Variants in CCDC14 observed in about 807,000 individuals in gnomAD.
The protein encoded by CCDC14 is coiled-coil domain-containing protein 14.
In CCDC14, 71 loss-of-function variants were observed where a neutral mutation model predicts 81.4. That is an observed-to-expected ratio of 0.87 (90% confidence interval 0.72 to 1.06). The LOEUF (loss-of-function observed/expected upper bound fraction) is 1.06, where lower values mean the gene tolerates loss of function less well. Among genes scored for constraint, CCDC14 ranks in the 50% least tolerant of loss-of-function variants. The pLI, the probability that CCDC14 is intolerant of heterozygous loss-of-function variation, is 0.00. For synonymous variants in CCDC14, 332 were observed against 364.8 expected (o/e 0.91, Z 1.03); for missense variants, 1,046 against 1,047.3 (o/e 1.00, Z 0.02).
At chr3:123,905,422 AGTTGCCTTACGGC>A (rs1284990776) in intron 5 of CCDC14, among the ~76,000 whole-genome samples, 20 of 152,288 alleles carry the variant, frequency 1.3e-4, no homozygotes, top group African/African-American at 4.8e-4. Flanking sequence ...TGAGTATTTG[AGTTGCCTTACGGC>A]AGGGCTTGAA....
chr3:123,955,021 C>T (rs2037237994), intron 5 of CCDC14: 1 of 152,114 alleles, frequency 6.6e-6, no homozygotes, highest in Non-Finnish European at 1.5e-5. Flanking sequence ...ACATCAACCT[C>T]TAGTCCCATG....
intron 10 of CCDC14, 114 bp downstream of exon 10, chr3:123,933,559 T>C (rs1280056508): frequency 2.9e-6 from 2 of 697,632 alleles, no homozygotes; most frequent in East Asian, 5.5e-5. Context: ...TATTTTCTTA[T>C]GTTTCTACAA....
chr3:123,924,978 CATCT>C (rs1458593663), intron 12 of CCDC14, among the ~76,000 whole-genome samples: 1 of 149,928 alleles, frequency 6.7e-6, no homozygotes, highest in African/African-American at 2.4e-5. Flanking sequence ...CACACACACA[CATCT>C]ATCTATACAC....
chr3:123,944,208 T>G (rs1165170332), intron 9 of CCDC14, among the ~76,000 whole-genome samples: 1 of 152,096 alleles, frequency 6.6e-6, no homozygotes, highest in Non-Finnish European at 1.5e-5. Flanking sequence ...GTCATATAAG[T>G]GTTCTGTGTC....
intron 12 of CCDC14, among the ~76,000 whole-genome samples, chr3:123,920,719 C>A (rs2034996723): frequency 6.6e-6 from 1 of 152,134 alleles, no homozygotes. Flanking sequence ...AGTAAAAGAT[C>A]ACTAATTAAT....
chr3:123,937,672 A>G (rs908930242), intron 9 of CCDC14, among the ~76,000 whole-genome samples: 3 of 151,972 alleles, frequency 2.0e-5, no homozygotes, highest in Non-Finnish European at 4.4e-5. Flanking sequence ...ATTTTGATGA[A>G]GTCCACTTTA....
chr3:123,927,909 T>C (rs928474736), intron 12 of CCDC14, among the ~76,000 whole-genome samples: 1 of 152,118 alleles, frequency 6.6e-6, no homozygotes, highest in East Asian at 1.9e-4. Context: ...CCTACACAGG[T>C]AGAAGAATCC....
chr3:123,956,489 T>C lies in CCDC14; in HGVS notation c.87-62A>G, dbSNP rs565448000. The C allele has an allele frequency of 3.4e-6, 4 of 1,165,186 alleles. No homozygotes were observed. The East Asian group carries it at 7.8e-5, about 23-fold the overall frequency. 72.2% of individuals were successfully genotyped at this position (1,165,186 alleles called of 1,614,324 possible). A position where few individuals can be genotyped will look rare whatever the true frequency, so the allele number is the denominator to read the frequency against. ...TTTCCCAAAATATATTAGTAAGTAGTCATTTTCTTTCCAGCAAAGACAAGA... is the reference window on the plus strand; with the variant it reads ...TTTCCCAAAATATATTAGTAAGTAGCCATTTTCTTTCCAGCAAAGACAAGA... On this transcript the variant is annotated intron_variant, in intron 2 of 12. Transcript: ENST00000409697.
At position 123,931,359 on chromosome 3, in the gene CCDC14, T is replaced by C. The variant is rs557264682; in HGVS notation, c.1594A>G (p.Ile532Val). ...TCATATTGCTGTTTATTTTCAAGTATAGTTTGATCTTTGTCTTTAAATATA... is the reference window on the plus strand; with the variant it reads ...TCATATTGCTGTTTATTTTCAAGTACAGTTTGATCTTTGTCTTTAAATATA... ...SSIFKDKDQTILENKQQYDIE... is the reference protein window; with the variant it reads ...SSIFKDKDQTVLENKQQYDIE... The change falls in exon 11 of 13, where the codon ATA (isoleucine) becomes GTA (valine). Residue 532 changes from isoleucine (I) to valine (V), a missense_variant. Ile to Val is a conservative substitution (Grantham distance 29). Transcript: ENST00000409697. 8 of 1,523,132 alleles carry C rather than the reference T, an allele frequency of 5.3e-6. No homozygotes were observed. The African/African-American group carries it at 5.5e-5, about 10-fold the overall frequency. The allele number at this position is 1,523,132 out of a possible 1,614,324, so 94.4% of individuals were successfully genotyped here.
chr3:123,941,000 TC>T (rs1185001871), intron 9 of CCDC14, among the ~76,000 whole-genome samples: 1 of 152,096 alleles, frequency 6.6e-6, no homozygotes, highest in Non-Finnish European at 1.5e-5. Flanking sequence ...CTGAACATCA[TC>T]CTTGACTCCT....
chr3:123,900,426 T>C (rs2034156428), intron 5 of CCDC14, among the ~76,000 whole-genome samples: 1 of 152,178 alleles, frequency 6.6e-6, no homozygotes, highest in African/African-American at 2.4e-5. Flanking sequence ...GAGTAGGTCT[T>C]CCAGGACTCC....
At chr3:123,957,051 C>T (rs1577343106) in intron 1 of CCDC14, 1 of 256,368 alleles carries the variant, frequency 3.9e-6, no homozygotes, top group Non-Finnish European at 7.4e-6. Flanking sequence ...TTGTGACTGG[C>T]TTATTTCACT....
At position 123,948,904 on chromosome 3, in the gene CCDC14, G is replaced by A; in HGVS notation, c.581C>T (p.Ser194Phe). The A allele has an allele frequency of 6.2e-7, 1 of 1,612,742 alleles. No homozygotes were observed. Among genetic ancestry groups the A allele is most frequent in the Non-Finnish European group, 8.5e-7 (1 of 1,178,860 alleles). Reference sequence around the variant, plus strand: ...ACAGCATTCGTACTCACCAGAATGAGAGGGAGCATGGCATGGTACAGCAGG... The same window carrying A: ...ACAGCATTCGTACTCACCAGAATGAAAGGGAGCATGGCATGGTACAGCAGG... ...GIPAVPCHAP[S>F]HSESQATPHS... The change falls in exon 6 of 13, where the codon TCT becomes TTT. Residue 194 changes from serine (S) to phenylalanine (F), a missense_variant. By Grantham distance (155) the Ser-to-Phe change is radical (BLOSUM62 -2). Transcript: ENST00000409697.
At chr3:123,891,267 C>T in the CCDC14 span, among the ~76,000 whole-genome samples, 56 of 152,344 alleles carry the variant, frequency 3.7e-4, no homozygotes, top group East Asian at 5.0e-3. Context: ...TCCCCATTGT[C>T]ATGGGGATTA....
chr3:123,918,112 A>C (rs2034817056), intron 12 of CCDC14, among the ~76,000 whole-genome samples: 1 of 152,198 alleles, frequency 6.6e-6, no homozygotes, highest in Non-Finnish European at 1.5e-5. Context: ...TCTAAAAAGT[A>C]GTCACACACA....
the CCDC14 span, among the ~76,000 whole-genome samples, chr3:123,889,645 A>T: frequency 6.6e-6 from 1 of 152,174 alleles, no homozygotes; most frequent in African/African-American, 2.4e-5. Context: ...GCTGGCATTG[A>T]GTGCCTGCAG....
intron 5 of CCDC14, among the ~76,000 whole-genome samples, chr3:123,907,668 G>A (rs2034343736): frequency 6.6e-6 from 1 of 151,552 alleles, no homozygotes; most frequent in Non-Finnish European, 1.5e-5. Context: ...TCATGTCACT[G>A]CACTCCAGCC....
rs2034547908 is a variant in CCDC14 at position 123,914,507 on chromosome 3, G to T, written c.*272C>A. The T allele has an allele frequency of 5.6e-6, 6 of 1,064,608 alleles. No homozygotes were observed. The highest frequency in any genetic ancestry group is 1.7e-5 in the African/African-American group (1 of 59,548). The allele number at this position is 1,064,608 out of a possible 1,614,324, so 65.9% of individuals were successfully genotyped here. A position where few individuals can be genotyped will look rare whatever the true frequency, so the allele number is the denominator to read the frequency against. Reference sequence around the variant, plus strand: ...ATCCAGCAGATACATCTTAATAAAAGAACTCTAATTGCTAAGTACTGAAAT... The same window carrying T: ...ATCCAGCAGATACATCTTAATAAAATAACTCTAATTGCTAAGTACTGAAAT... On this transcript the variant is annotated 3_prime_UTR_variant, in exon 13 of 13. Transcript: ENST00000409697.
At chr3:123,934,367 C>A (rs1379849023) in intron 9 of CCDC14, among the ~76,000 whole-genome samples, 1 of 142,730 alleles carries the variant, frequency 7.0e-6, no homozygotes, top group Non-Finnish European at 1.5e-5. Context: ...CTATTTCTTT[C>A]CTTTTCTATC....
Sources: gnomAD v4.1 joint callset for allele counts (sites outside exome capture counted in the v4.1 genomes callset) on GRCh38, gnomAD v4.1.1 for gene constraint, MANE v1.5 for transcripts, NCBI Gene and HGNC (gene_info 2026-07-23, HGNC 2026-07-21) for gene names.